Variants in UGT2B17 observed in about 807,000 individuals in gnomAD.
UGT2B17 encodes the protein UDP-glucuronosyltransferase 2B17.
Under a neutral mutation model 48.2 loss-of-function variants are expected in UGT2B17, and 21 were observed. The ratio of observed to expected loss-of-function variants is 0.44; its 90% CI spans 0.31 to 0.63. UGT2B17 has a LOEUF of 0.63. UGT2B17 is among the 20% of genes least tolerant of loss of function. UGT2B17 has a pLI of 0.08. For synonymous variants in UGT2B17, 146 were observed against 238.4 expected, an observed-to-expected ratio of 0.61 and a Z score of 3.57; for missense variants, 402 against 696.1, an observed-to-expected ratio of 0.58 and a Z score of 4.75.
rs1329274810 is a variant in UGT2B17, at chr4:68,563,672, C to A, written c.873+1900G>T. 1.5e-4 allele frequency among the ~76,000 whole-genome samples: 19 copies of A among 126,478 alleles called. 7 individuals are homozygous for A. The highest frequency in any genetic ancestry group is 5.7e-4 in the Admixed American group (7 of 12,334). The allele number at this position is 126,478 out of a possible 152,430, so 83.0% of individuals were successfully genotyped here. A position where few individuals can be genotyped will look rare whatever the true frequency, so the allele number is the denominator to read the frequency against. On this transcript the variant is annotated intron_variant, in intron 3 of 6. Coordinates refer to ENST00000317746, the MANE Select transcript of UGT2B17 (RefSeq NM_001077.4). ...CCCCTGCTAATGGCACTATCACTTT[C>A]TTTTGATGTGAGTGAGGATTTTTTT... is the stretch of plus-strand genomic sequence containing the variant.
chr4:68,545,715 A>AGAT (rs1730789409), intron 6 of UGT2B17, among the ~76,000 whole-genome samples: 1 of 126,144 alleles, frequency 7.9e-6, no homozygotes, highest in Middle Eastern at 3.6e-3. Flanking sequence ...CGAATCAAAT[A>AGAT]GATGGAATAA....
At position 68,545,579 on chromosome 4, in the gene UGT2B17, C is replaced by T. The variant is rs868407397; in HGVS notation, c.1313+5098G>A. Among the ~76,000 whole-genome samples, 7 of 125,380 alleles carry T rather than the reference C, an allele frequency of 5.6e-5. 2 individuals carry two copies. In the Middle Eastern group the frequency reaches 0.016, roughly 284 times the overall value. 82.3% of individuals were successfully genotyped at this position (125,380 alleles called of 152,430 possible). A position where few individuals can be genotyped will look rare whatever the true frequency, so the allele number is the denominator to read the frequency against. The stretch of plus-strand genomic sequence containing the variant: ...AGGCAAGAAATAACTAAAATCAGAG[C>T]AGAACTGAAGGAAATAGAGACACAA... On this transcript the variant is annotated intron_variant, in intron 6 of 6. Coordinates refer to ENST00000317746, the MANE Select transcript of UGT2B17 (RefSeq NM_001077.4).
chr4:68,537,403 G>A lies in UGT2B17; in HGVS notation c.*222C>T. On this transcript the variant is annotated 3_prime_UTR_variant, in exon 7 of 7. Transcript: ENST00000317746. ...ATAAATTTCAATATAAGCCCATAAG[G>A]TTTTATATTATTATTTTTCATAGCT... 5.5e-6 allele frequency: 2 copies of A among 364,656 alleles called. No homozygotes were observed. Among genetic ancestry groups the A allele is most frequent in the Non-Finnish European group, 8.2e-6 (2 of 244,486 alleles). 22.6% of individuals were successfully genotyped at this position (364,656 alleles called of 1,614,324 possible).
rs1300007078 is a variant in UGT2B17 at position 68,571,498 on chromosome 4, C to T, written c.-64-2950G>A. Among the ~76,000 whole-genome samples the T allele has an allele frequency of 3.9e-5, 5 of 126,678 alleles. 1 individual carries two copies. The allele number at this position is 126,678 out of a possible 152,430, so 83.1% of individuals were successfully genotyped here. On this transcript the variant is annotated intron_variant, in intron 1 of 6. Transcript: ENST00000317746. ...TTCTTTCTGTGTAATTGGAACTCCA[C>T]CATGTGACTGTTTTTGTGGTACTAT...
intron 6 of UGT2B17, among the ~76,000 whole-genome samples, chr4:68,538,199 A>T (rs1025909269): frequency 1.6e-5 from 2 of 121,438 alleles, no homozygotes; most frequent in African/African-American, 5.6e-5. Context: ...TAAGTAAGAT[A>T]GTGGAAATAG....
At chr4:68,542,831 G>T (rs1303511296) in intron 6 of UGT2B17, among the ~76,000 whole-genome samples, 1 of 127,138 alleles carries the variant, frequency 7.9e-6, no homozygotes, top group Admixed American at 8.0e-5. Flanking sequence ...CGCCCACGGA[G>T]CCTCGCTCAT....
chr4:68,571,256 T>G lies in UGT2B17; in HGVS notation c.-64-2708A>C, dbSNP rs1731294066. On this transcript the variant is annotated intron_variant, in intron 1 of 6. Transcript: ENST00000317746. Reference sequence around the variant, plus strand: ...TTCATTTTTTTGTTCCCAGGAAGCATAGACTGGGAAGCCTAGAAGTTCATG... The same window carrying G: ...TTCATTTTTTTGTTCCCAGGAAGCAGAGACTGGGAAGCCTAGAAGTTCATG... Among the ~76,000 whole-genome samples the G allele has an allele frequency of 1.6e-5, 2 of 125,422 alleles. 1 individual carries two copies. Among genetic ancestry groups the G allele is most frequent in the Non-Finnish European group, 3.4e-5 (2 of 59,372 alleles). 82.3% of individuals were successfully genotyped at this position (125,422 alleles called of 152,430 possible). A position where few individuals can be genotyped will look rare whatever the true frequency, so the allele number is the denominator to read the frequency against.
Position 68,552,381 on chromosome 4 carries a change from C to A in UGT2B17, c.1006-470G>T, listed in dbSNP as rs2109766811. Among the ~76,000 whole-genome samples the A allele has an allele frequency of 1.6e-5, 2 of 126,146 alleles. 1 individual carries two copies. The highest frequency in any genetic ancestry group is 7.5e-4 in the South Asian group (2 of 2,684). The allele number at this position is 126,146 out of a possible 152,430, so 82.8% of individuals were successfully genotyped here. A position where few individuals can be genotyped will look rare whatever the true frequency, so the allele number is the denominator to read the frequency against. On this transcript the variant is annotated intron_variant, in intron 4 of 6. Transcript: ENST00000317746. ...CTATGACCTGGAAGCCCCTTCCATG[C>A]TTCAAGTTGCTCTGCCTTTGTTTCT...
Position 68,550,747 on chromosome 4 carries a change from T to C in UGT2B17, c.1243A>G (p.Ser415Gly). 1 of 1,387,268 alleles carries C rather than the reference T, an allele frequency of 7.2e-7. No homozygotes were observed. Among genetic ancestry groups the C allele is most frequent in the Non-Finnish European group, 9.4e-7 (1 of 1,062,436 alleles). The allele number at this position is 1,387,268 out of a possible 1,614,324, so 85.9% of individuals were successfully genotyped here. Residue 415 changes from serine to glycine, a missense_variant, in exon 6 of 7, where the codon AGT becomes GGT. This residue lies in a region of UGT2B17 where 156 missense variants were observed against 258.6 expected (regional missense o/e 0.60). Transcript: ENST00000317746. ...CTTGACATGGTCCTGATGTCCACAC[T>C]GAGGGCTGCTCCCTTGGCTTTCATG... Reference protein sequence around the residue: ...AHMKAKGAALSVDIRTMSSRD... With the variant: ...AHMKAKGAALGVDIRTMSSRD...
At position 68,537,764 on chromosome 4, in the gene UGT2B17, G is replaced by A. The variant is rs1408643895; in HGVS notation, c.1454C>T (p.Thr485Ile). The A allele has an allele frequency of 1.4e-6, 2 of 1,379,694 alleles. 1 individual carries two copies. 85.5% of individuals were successfully genotyped at this position (1,379,694 alleles called of 1,614,324 possible). The change falls in exon 7 of 7, where the codon ACC becomes ATC. Residue 485 changes from threonine (T) to isoleucine (I), a missense_variant. By Grantham distance (89) the Thr-to-Ile change is moderately conservative. Around this residue, in one of 5 missense-constraint regions of UGT2B17, gnomAD observed 156 missense variants for 258.6 expected, o/e 0.60. Transcript: ENST00000317746. ...KHLRVAAHNL[T>I]WIQYHSLDVI... The stretch of plus-strand genomic sequence containing the variant: ...ATCCAAAGAGTGGTACTGGATCCAG[G>A]TGAGGTTGTGGGCTGCGACCCGAAG...
rs533677897 is a variant in UGT2B17 at position 68,542,725 on chromosome 4, T to C, written c.1314-4821A>G. 8.7e-5 allele frequency among the ~76,000 whole-genome samples: 11 copies of C among 126,642 alleles called. 3 individuals carry two copies. The highest frequency in any genetic ancestry group is 1.6e-4 in the Admixed American group (2 of 12,458). The allele number at this position is 126,642 out of a possible 152,430, so 83.1% of individuals were successfully genotyped here. A position where few individuals can be genotyped will look rare whatever the true frequency, so the allele number is the denominator to read the frequency against. On this transcript the variant is annotated intron_variant, in intron 6 of 6. Coordinates refer to ENST00000317746, the MANE Select transcript of UGT2B17 (RefSeq NM_001077.4). ...GGGGTAACAGATGGCACCTGGAAAA[T>C]TGGGTTACTCCCACCCTAATACTGC... is the stretch of plus-strand genomic sequence containing the variant.
rs529840359 is a variant in UGT2B17, at chr4:68,570,842, C to A, written c.-64-2294G>T. 7.1e-5 allele frequency among the ~76,000 whole-genome samples: 9 copies of A among 126,216 alleles called. 3 individuals carry two copies. Among genetic ancestry groups the A allele is most frequent in the African/African-American group, 2.4e-4 (9 of 36,776 alleles). 82.8% of individuals were successfully genotyped at this position (126,216 alleles called of 152,430 possible). ...CTAAACATGGCTTCAGGGTTGAATC[C>A]GTGCTACACTTGCACAGGTACATGT... On this transcript the variant is annotated intron_variant, in intron 1 of 6. Transcript: ENST00000317746.
rs1731236710 is a variant in UGT2B17 at position 68,568,093 on chromosome 4, G to A, written c.392C>T (p.Ala131Val). Residue 131 changes from alanine (A) to valine (V), a missense_variant, in exon 2 of 7, where the codon GCA becomes GTA. Ala to Val is a moderately conservative substitution (Grantham distance 64). Around this residue, in one of 5 missense-constraint regions of UGT2B17, gnomAD observed 84 missense variants for 92.6 expected, o/e 0.91. Coordinates refer to ENST00000317746, the MANE Select transcript of UGT2B17 (RefSeq NM_001077.4). ...SDYNIKLCEDAVLNKKLMRKL... is the reference protein window; with the variant it reads ...SDYNIKLCEDVVLNKKLMRKL... ...TCTCATAAGTTTCTTGTTCAAAACT[G>A]CATCTTCACAGAGCTTTATATTATA... The A allele has an allele frequency of 2.2e-6, 3 of 1,382,736 alleles. No homozygotes were observed. The highest frequency in any genetic ancestry group is 1.9e-4 in the Middle Eastern group (1 of 5,202). The allele number at this position is 1,382,736 out of a possible 1,614,324, so 85.7% of individuals were successfully genotyped here.
intron 4 of UGT2B17, among the ~76,000 whole-genome samples, chr4:68,558,440 C>G (rs1353041935): frequency 7.9e-6 from 1 of 126,438 alleles, no homozygotes; most frequent in African/African-American, 2.7e-5. Flanking sequence ...AGCTAGACAA[C>G]TTAAACTCCA....
rs1337547611 is a variant in UGT2B17 at position 68,563,748 on chromosome 4, A to G, written c.873+1824T>C. On this transcript the variant is annotated intron_variant, in intron 3 of 6. Coordinates refer to ENST00000317746, the MANE Select transcript of UGT2B17 (RefSeq NM_001077.4). ...AATTACCTTTTAAGCTAAAATATTA[A>G]TGAAGTGCCTCCACCTTTGCAATAC... Among the ~76,000 whole-genome samples, 2 of 125,734 alleles carry G rather than the reference A, an allele frequency of 1.6e-5. 1 individual carries two copies. Among genetic ancestry groups the G allele is most frequent in the Non-Finnish European group, 3.4e-5 (2 of 59,542 alleles). 82.5% of individuals were successfully genotyped at this position (125,734 alleles called of 152,430 possible).
rs1730976104 is a variant in UGT2B17 at position 68,554,943 on chromosome 4, TG to T, written c.1006-3033del. On this transcript the variant is annotated intron_variant, in intron 4 of 6. Coordinates refer to ENST00000317746, the MANE Select transcript of UGT2B17 (RefSeq NM_001077.4). ...ACTACATCTATGTATTTATGTGTTT[TG>T]TACACAATGTTTTATTACTGAAAAT... 1.6e-5 allele frequency among the ~76,000 whole-genome samples: 2 copies of T among 125,780 alleles called. 1 individual carries two copies. Among genetic ancestry groups the T allele is most frequent in the South Asian group, 7.3e-4 (2 of 2,748 alleles). The allele number at this position is 125,780 out of a possible 152,430, so 82.5% of individuals were successfully genotyped here.
At position 68,554,024 on chromosome 4, in the gene UGT2B17, T is replaced by A. The variant is rs1304334170; in HGVS notation, c.1006-2113A>T. Among the ~76,000 whole-genome samples the A allele has an allele frequency of 6.4e-5, 8 of 124,452 alleles. 2 individuals are homozygous for A. Among genetic ancestry groups the A allele is most frequent in the African/African-American group, 1.9e-4 (7 of 36,368 alleles). 81.6% of individuals were successfully genotyped at this position (124,452 alleles called of 152,430 possible). Reference sequence around the variant, plus strand: ...GAAATCCCCAAGAAAAATTAACTTTTAAAAAAAGGCTAGTCCAGGAAACAC... The same window carrying A: ...GAAATCCCCAAGAAAAATTAACTTTAAAAAAAAGGCTAGTCCAGGAAACAC... On this transcript the variant is annotated intron_variant, in intron 4 of 6. Coordinates refer to ENST00000317746, the MANE Select transcript of UGT2B17 (RefSeq NM_001077.4).
chr4:68,550,648 C>A lies in UGT2B17; in HGVS notation c.1313+29G>T, dbSNP rs1243687453. On this transcript the variant is annotated intron_variant, in intron 6 of 6. Coordinates refer to ENST00000317746, the MANE Select transcript of UGT2B17 (RefSeq NM_001077.4). ...CTGTTGACAAAATAATTTGTAAGTACCACCTGGTCACAAAATTGTAATACT... is the reference window on the plus strand; with the variant it reads ...CTGTTGACAAAATAATTTGTAAGTAACACCTGGTCACAAAATTGTAATACT... 4 of 1,346,304 alleles carry A rather than the reference C, an allele frequency of 3.0e-6. 1 individual carries two copies. The highest frequency in any genetic ancestry group is 3.9e-6 in the Non-Finnish European group (4 of 1,031,938). 83.4% of individuals were successfully genotyped at this position (1,346,304 alleles called of 1,614,324 possible). A position where few individuals can be genotyped will look rare whatever the true frequency, so the allele number is the denominator to read the frequency against.
Position 68,554,054 on chromosome 4 carries a change from G to A in UGT2B17, c.1006-2143C>T, listed in dbSNP as rs1235570356. 4.0e-5 allele frequency among the ~76,000 whole-genome samples: 5 copies of A among 125,004 alleles called. 1 individual carries two copies. Among genetic ancestry groups the A allele is most frequent in the African/African-American group, 1.4e-4 (5 of 36,516 alleles). 82.0% of individuals were successfully genotyped at this position (125,004 alleles called of 152,430 possible). A position where few individuals can be genotyped will look rare whatever the true frequency, so the allele number is the denominator to read the frequency against. On this transcript the variant is annotated intron_variant, in intron 4 of 6. Coordinates refer to ENST00000317746, the MANE Select transcript of UGT2B17 (RefSeq NM_001077.4). ...AAAGGCTAGTCCAGGAAACACATATGAGGGCAGATCACCCAGCATTTTGAG... is the reference window on the plus strand; with the variant it reads ...AAAGGCTAGTCCAGGAAACACATATAAGGGCAGATCACCCAGCATTTTGAG...
Sources: allele counts gnomAD v4.1 joint callset (sites outside exome capture counted in the v4.1 genomes callset), GRCh38; gene constraint gnomAD v4.1.1; regional missense constraint gnomAD v4.1.1; transcripts MANE v1.5; gene names NCBI Gene and HGNC (gene_info 2026-07-23, HGNC 2026-07-21).